Variants in BTC observed in about 807,000 individuals in gnomAD.
BTC encodes the protein betacellulin, also known as probetacellulin.
BTC carries 13 observed loss-of-function variants against 18.1 expected under a neutral mutation model. The observed-to-expected ratio is 0.72, with a 90% CI of 0.47 to 1.14. The LOEUF (loss-of-function observed/expected upper bound fraction) is 1.14, where lower values mean the gene tolerates loss of function less well. Among genes scored for constraint, BTC ranks in the 50% most tolerant of loss-of-function variants. BTC has a pLI of 0.00. For synonymous variants in BTC, 83 were observed against 79.4 expected (o/e 1.05, Z -0.24); for missense variants, 247 against 224.2 (o/e 1.10, Z -0.65).
intron 2 of BTC, among the ~76,000 whole-genome samples, chr4:74,759,569 T>C (rs1553957080): frequency 1.3e-5 from 2 of 151,870 alleles, no homozygotes; most frequent in Non-Finnish European, 2.9e-5. Context: ...ATTAAATAAT[T>C]TTAAAATATA....
At chr4:74,786,840 G>C (rs1439812715) in intron 1 of BTC, among the ~76,000 whole-genome samples, 1 of 152,094 alleles carries the variant, frequency 6.6e-6, no homozygotes, top group Admixed American at 6.6e-5. Flanking sequence ...ATGGGAAAAA[G>C]AAAAGCCTTT....
intron 2 of BTC, among the ~76,000 whole-genome samples, chr4:74,764,692 A>C (rs1724850655): frequency 6.6e-6 from 1 of 152,180 alleles, no homozygotes; most frequent in Non-Finnish European, 1.5e-5. Context: ...TGTGATGGAG[A>C]TAGAGGCCAT....
At chr4:74,752,553 T>C (rs561432718) in intron 3 of BTC, among the ~76,000 whole-genome samples, 146 of 152,134 alleles carry the variant, frequency 9.6e-4, no homozygotes, top group Non-Finnish European at 1.8e-3. Flanking sequence ...CTAATTCTTA[T>C]ATTTTTAGTA....
chr4:74,746,504 A>C lies in BTC; in HGVS notation c.*173T>G, dbSNP rs1724294046. On this transcript the variant is annotated 3_prime_UTR_variant, in exon 6 of 6. Transcript: ENST00000395743. Reference sequence around the variant, plus strand: ...CCAATTACTAGACAATATACATATAATTAATGTTCTTATTAAAAAATAATA... The same window carrying C: ...CCAATTACTAGACAATATACATATACTTAATGTTCTTATTAAAAAATAATA... 1 of 152,622 alleles carries C rather than the reference A, an allele frequency of 6.6e-6. No individual in the cohort carries two copies. The highest frequency in any genetic ancestry group is 2.1e-4 in the South Asian group (1 of 4,830). The allele number at this position is 152,622 out of a possible 1,614,324, so 9.5% of individuals were successfully genotyped here.
At chr4:74,781,075 TAC>T (rs1458292766) in intron 1 of BTC, among the ~76,000 whole-genome samples, 3 of 152,062 alleles carry the variant, frequency 2.0e-5, no homozygotes, top group African/African-American at 7.2e-5. Context: ...GCCCACTCCC[TAC>T]CCAGCTTAGG....
chr4:74,768,337 CA>C (rs1724954423), intron 2 of BTC, among the ~76,000 whole-genome samples: 1 of 152,020 alleles, frequency 6.6e-6, no homozygotes, highest in South Asian at 2.1e-4. Context: ...TCATAAAAGT[CA>C]AAAGGTGGAA....
intron 1 of BTC, among the ~76,000 whole-genome samples, chr4:74,793,923 C>G (rs1229802178): frequency 1.3e-5 from 2 of 151,580 alleles, no homozygotes; most frequent in Non-Finnish European, 1.5e-5. Context: ...GCGCCTCACC[C>G]CGGTGGACAG....
chr4:74,749,582 A>G (rs1289869013), intron 4 of BTC, among the ~76,000 whole-genome samples: 1 of 151,438 alleles, frequency 6.6e-6, no homozygotes. Flanking sequence ...AATCACGAGA[A>G]CCCTCTTTAT....
At chr4:74,765,907 G>A (rs1456041941) in intron 2 of BTC, among the ~76,000 whole-genome samples, 1 of 152,054 alleles carries the variant, frequency 6.6e-6, no homozygotes, top group Non-Finnish European at 1.5e-5. Flanking sequence ...AAACATCATA[G>A]AGTGTACTTA....
At chr4:74,754,978 C>T (rs1724561288) in intron 3 of BTC, among the ~76,000 whole-genome samples, 1 of 151,886 alleles carries the variant, frequency 6.6e-6, no homozygotes, top group African/African-American at 2.4e-5. Context: ...CACACACACA[C>T]ATTTCCTTAT....
At chr4:74,763,554 T>A (rs1724821156) in intron 2 of BTC, among the ~76,000 whole-genome samples, 1 of 152,018 alleles carries the variant, frequency 6.6e-6, no homozygotes, top group Non-Finnish European at 1.5e-5. Flanking sequence ...TGTAAAATAA[T>A]TTACAATATT....
At chr4:74,789,124 T>A (rs372964399) in intron 1 of BTC, among the ~76,000 whole-genome samples, 105 of 152,340 alleles carry the variant, frequency 6.9e-4, no homozygotes, top group African/African-American at 2.3e-3. Context: ...ATTGAGCACC[T>A]ACTATACATA....
chr4:74,788,032 T>A (rs534844219), intron 1 of BTC, among the ~76,000 whole-genome samples: 1 of 152,286 alleles, frequency 6.6e-6, no homozygotes, highest in East Asian at 1.9e-4. Flanking sequence ...TTTTAACAAA[T>A]TCCCCAGATA....
chr4:74,775,493 A>G (rs1368372627), intron 1 of BTC, among the ~76,000 whole-genome samples: 2 of 152,154 alleles, frequency 1.3e-5, no homozygotes, highest in African/African-American at 4.8e-5. Flanking sequence ...ATTAGTAAAA[A>G]CTAAAAGTAT....
At chr4:74,783,756 T>C (rs188017496) in intron 1 of BTC, among the ~76,000 whole-genome samples, 108 of 152,246 alleles carry the variant, frequency 7.1e-4, no homozygotes, top group African/African-American at 2.3e-3. Flanking sequence ...GAGCATGGAA[T>C]GTTTTCCCAT....
chr4:74,748,795 C>G (rs569782611), intron 4 of BTC, among the ~76,000 whole-genome samples: 1 of 152,244 alleles, frequency 6.6e-6, no homozygotes, highest in South Asian at 2.1e-4. Flanking sequence ...ACAAGAGTGA[C>G]ACAGCGTTTG....
intron 2 of BTC, among the ~76,000 whole-genome samples, chr4:74,767,077 A>G (rs1003375104): frequency 7.9e-5 from 12 of 151,542 alleles, no homozygotes; most frequent in African/African-American, 2.9e-4. Context: ...AACCAGAGCA[A>G]TTAGGAAAAA....
intron 2 of BTC, among the ~76,000 whole-genome samples, chr4:74,763,119 T>C (rs1008164684): frequency 6.6e-6 from 1 of 152,166 alleles, no homozygotes; most frequent in African/African-American, 2.4e-5. Flanking sequence ...ATAATATTTC[T>C]CAAATAGTAA....
At chr4:74,757,622 G>A (rs782261690) in intron 2 of BTC, among the ~76,000 whole-genome samples, 7 of 151,938 alleles carry the variant, frequency 4.6e-5, no homozygotes, top group Non-Finnish European at 1.0e-4. Flanking sequence ...AAGAAATAAA[G>A]GATACCTTAT....
Sources: gnomAD v4.1 joint callset for allele counts (sites outside exome capture counted in the v4.1 genomes callset) on GRCh38, gnomAD v4.1.1 for gene constraint, MANE v1.5 for transcripts, NCBI Gene and HGNC (gene_info 2026-07-23, HGNC 2026-07-21) for gene names.